Variants in KDM6A observed in about 807,000 individuals in gnomAD.
KDM6A encodes lysine-specific demethylase 6A.
In KDM6A, 11 loss-of-function variants were observed where a neutral mutation model predicts 117.6. The observed-to-expected ratio is 0.09, with a 90% CI of 0.06 to 0.15. The LOEUF (loss-of-function observed/expected upper bound fraction) is 0.15, where lower values mean the gene tolerates loss of function less well. Ranked by LOEUF, KDM6A falls within the 10% of genes least tolerant of loss-of-function variation. The probability of loss-of-function intolerance (pLI) is 1.00; values close to 1 mark genes in which losing one functional copy is unlikely to be tolerated. For synonymous variants in KDM6A, 384 were observed against 396.1 expected (o/e 0.97, Z 0.36); for missense variants, 799 against 1,077.3 (o/e 0.74, Z 3.62).
chrX:45,051,951 C>G, intron 9 of KDM6A, 149 bp downstream of exon 9: 1 of 424,094 alleles, frequency 2.4e-6, no homozygotes, highest in East Asian at 3.9e-5. Context: ...GTATCCTCTG[C>G]CCAGCATTGT....
chrX:44,912,285 C>T (rs1013669782), intron 2 of KDM6A, among the ~76,000 whole-genome samples: 1 of 110,245 alleles, frequency 9.1e-6, no homozygotes, highest in African/African-American at 3.3e-5. Flanking sequence ...AGACGGGTTT[C>T]TCCATGTTGG....
chrX:45,104,500 A>G (rs1603045200), intron 27 of KDM6A, among the ~76,000 whole-genome samples: 3 of 112,426 alleles, frequency 2.7e-5, no homozygotes, highest in South Asian at 3.6e-4. Flanking sequence ...ACAGGTTATC[A>G]TTTAAGTCTT....
intron 26 of KDM6A, 118 bp from the exon 27 acceptor site, chrX:45,090,605 A>G (rs1602990156): frequency 4.1e-6 from 3 of 727,295 alleles, no homozygotes; most frequent in Non-Finnish European, 6.1e-6. Context: ...AATTATTTTT[A>G]TAGTGTTTTG....
At chrX:44,909,920 T>C (rs2034975445) in intron 2 of KDM6A, among the ~76,000 whole-genome samples, 1 of 112,234 alleles carries the variant, frequency 8.9e-6, no homozygotes, top group South Asian at 3.7e-4. Flanking sequence ...CTGTTTAGGA[T>C]CAATTCTTAA....
At chrX:45,022,431 A>G (rs754413544) in intron 6 of KDM6A, among the ~76,000 whole-genome samples, 41 of 111,418 alleles carry the variant, frequency 3.7e-4, no homozygotes, top group Admixed American at 5.7e-4. Context: ...TAACGAGTCC[A>G]TGATATTTCT....
At chrX:45,065,568 A>C (rs1446897717) in intron 17 of KDM6A, among the ~76,000 whole-genome samples, 2 of 111,573 alleles carry the variant, frequency 1.8e-5, no homozygotes, top group Admixed American at 9.5e-5. Flanking sequence ...TGGCTCCCAG[A>C]GTGGTAGTAG....
intron 2 of KDM6A, among the ~76,000 whole-genome samples, chrX:44,938,296 A>G (rs953365636): frequency 8.9e-6 from 1 of 111,855 alleles, no homozygotes; most frequent in Non-Finnish European, 1.9e-5. Context: ...GTGCTACTCC[A>G]GTGAACACAT....
intron 6 of KDM6A, among the ~76,000 whole-genome samples, chrX:45,020,943 T>C (rs1414973432): frequency 8.9e-6 from 1 of 111,787 alleles, no homozygotes; most frequent in East Asian, 2.8e-4. Flanking sequence ...GGTAACATTA[T>C]ACAATTACAC....
chrX:44,905,187 T>TA (rs2034576156), intron 2 of KDM6A, among the ~76,000 whole-genome samples: 1 of 112,400 alleles, frequency 8.9e-6, no homozygotes, highest in Non-Finnish European at 1.9e-5. Flanking sequence ...ACATACTACA[T>TA]ACATTAACAG....
chrX:44,967,095 C>T (rs2039069681), intron 3 of KDM6A, among the ~76,000 whole-genome samples: 1 of 111,267 alleles, frequency 9.0e-6, no homozygotes, highest in Non-Finnish European at 1.9e-5. Flanking sequence ...TGGTCTTGAT[C>T]TCCTGACCTT....
intron 2 of KDM6A, among the ~76,000 whole-genome samples, chrX:44,887,749 T>C (rs1255556341): frequency 9.0e-6 from 1 of 111,071 alleles, no homozygotes; most frequent in East Asian, 2.8e-4. Flanking sequence ...GTAAGTGTTA[T>C]ACCTAGGAAG....
At chrX:45,033,819 C>A (rs1178363693) in intron 6 of KDM6A, among the ~76,000 whole-genome samples, 1 of 110,747 alleles carries the variant, frequency 9.0e-6, no homozygotes, top group South Asian at 4.0e-4. Context: ...TCCCAAAGTG[C>A]TGGGATTACA....
intron 5 of KDM6A, among the ~76,000 whole-genome samples, chrX:45,015,413 T>C (rs1197605705): frequency 9.0e-6 from 1 of 111,251 alleles, no homozygotes; most frequent in Non-Finnish European, 1.9e-5. Flanking sequence ...CGGAGCCTGG[T>C]GTAAAGTTTC....
intron 2 of KDM6A, among the ~76,000 whole-genome samples, chrX:44,950,061 G>C (rs909528311): frequency 9.2e-6 from 1 of 108,650 alleles, no homozygotes; most frequent in African/African-American, 3.4e-5. Flanking sequence ...CTGTCACCTA[G>C]GCTGGAATGC....
chrX:45,097,447 GA>G lies in KDM6A; in HGVS notation c.4034+6585del, dbSNP rs2046157038. 7.2e-5 allele frequency among the ~76,000 whole-genome samples: 8 copies of G among 111,081 alleles called. No homozygotes were observed. The South Asian group carries it at 3.1e-3, about 42-fold the overall frequency. On this transcript the variant is annotated intron_variant, in intron 27 of 29. Transcript: ENST00000611820. ...AGCAGGGTCTGTTGCAGTATCCTGG[GA>G]ACGAACATATTAGTATTTCAGCACT...
At chrX:45,065,886 T>A (rs2044510768) in intron 17 of KDM6A, among the ~76,000 whole-genome samples, 2 of 111,285 alleles carry the variant, frequency 1.8e-5, no homozygotes, top group Admixed American at 1.9e-4. Flanking sequence ...GAAGAAAGTT[T>A]CAAGGAGGAG....
chrX:45,017,073 A>G (rs2042000098), intron 5 of KDM6A, among the ~76,000 whole-genome samples: 3 of 112,062 alleles, frequency 2.7e-5, no homozygotes, highest in African/African-American at 9.7e-5. Context: ...TATAGAAACT[A>G]TTTTGATGAT....
intron 8 of KDM6A, among the ~76,000 whole-genome samples, chrX:45,043,788 A>G (rs569742498): frequency 9.0e-5 from 10 of 111,519 alleles, no homozygotes; most frequent in African/African-American, 2.6e-4. Flanking sequence ...GAAAAAAAAA[A>G]TGATTCTCAT....
chrX:44,927,462 G>T (rs965855477), intron 2 of KDM6A, among the ~76,000 whole-genome samples: 8 of 110,599 alleles, frequency 7.2e-5, no homozygotes, highest in African/African-American at 2.3e-4. Flanking sequence ...GATTTTACTT[G>T]GTAATCTGGG....
Sources: gnomAD v4.1 joint callset for allele counts (sites outside exome capture counted in the v4.1 genomes callset) on GRCh38, gnomAD v4.1.1 for gene constraint, MANE v1.5 for transcripts, NCBI Gene and HGNC (gene_info 2026-07-23, HGNC 2026-07-21) for gene names.